Variants in DBF4B observed in about 807,000 individuals in gnomAD.
The protein encoded by DBF4B is DBF4B-CDC7 kinase regulatory subunit, also known as protein DBF4 homolog B.
Under a neutral mutation model 53.4 loss-of-function variants are expected in DBF4B, and 49 were observed. The observed-to-expected ratio is 0.92, with a 90% CI of 0.73 to 1.16. DBF4B has a LOEUF of 1.16. Among genes scored for constraint, DBF4B ranks in the 50% most tolerant of loss-of-function variants. The pLI, the probability that DBF4B is intolerant of heterozygous loss-of-function variation, is 0.00. For missense variants in DBF4B, 692 were observed against 775.0 expected, an observed-to-expected ratio of 0.89 and a Z score of 1.27; for synonymous variants, 257 against 288.7, an observed-to-expected ratio of 0.89 and a Z score of 1.11.
intron 12 of DBF4B, 35 bp from the exon 13 acceptor site, chr17:44,748,306 G>C (rs2145158123): frequency 6.4e-7 from 1 of 1,557,656 alleles, no homozygotes; most frequent in East Asian, 2.2e-5. Flanking sequence ...CTGTGAAGTT[G>C]AAACCTGCAG....
chr17:44,731,494 G>A (rs138946061), intron 5 of DBF4B: 9 of 171,564 alleles, frequency 5.2e-5, no homozygotes, highest in Non-Finnish European at 8.8e-5. Flanking sequence ...TCCCCGCTAC[G>A]CAGGTGGCTG....
intron 9 of DBF4B, among the ~76,000 whole-genome samples, chr17:44,739,803 C>T (rs1975815420): frequency 6.6e-6 from 1 of 152,098 alleles, no homozygotes; most frequent in African/African-American, 2.4e-5. Context: ...CGGAGTCTCA[C>T]TCCATCACCT....
chr17:44,722,831 G>A (rs748057793), intron 2 of DBF4B, 49 bp from the exon 3 acceptor site: 3 of 1,606,904 alleles, frequency 1.9e-6, no homozygotes, highest in Middle Eastern at 1.7e-4. Flanking sequence ...CCTGGCTTCA[G>A]GACTCTCTTT....
chr17:44,731,596 C>G (rs1206113944), intron 5 of DBF4B: 1 of 157,712 alleles, frequency 6.3e-6, no homozygotes, highest in Non-Finnish European at 1.4e-5. Flanking sequence ...GAGCTAGACT[C>G]TGTCTCAAAA....
At chr17:44,732,865 CAA>C (rs750138148) in intron 6 of DBF4B, 13 of 127,892 alleles carry the variant, frequency 1.0e-4, no homozygotes, top group Non-Finnish European at 1.2e-4. Context: ...GACTCCGTCT[CAA>C]AAAAAAAAAA....
At chr17:44,716,076 G>A (rs1420437322) in intron 2 of DBF4B, among the ~76,000 whole-genome samples, 1 of 151,168 alleles carries the variant, frequency 6.6e-6, no homozygotes, top group Non-Finnish European at 1.5e-5. Flanking sequence ...CACCCGCCTC[G>A]GCCTCCCAAA....
chr17:44,709,439 G>A (rs778336573), intron 2 of DBF4B, 73 bp downstream of exon 2: 18 of 1,502,236 alleles, frequency 1.2e-5, no homozygotes, highest in Non-Finnish European at 1.4e-5. Context: ...ACCGAAAAAT[G>A]TTCCCCCTGT....
intron 2 of DBF4B, among the ~76,000 whole-genome samples, chr17:44,716,341 T>C (rs971919240): frequency 6.6e-6 from 1 of 152,076 alleles, no homozygotes; most frequent in African/African-American, 2.4e-5. Flanking sequence ...CAAACCTCTC[T>C]CTGGTAAGTA....
At chr17:44,735,052 A>G (rs770723060) in intron 7 of DBF4B, among the ~76,000 whole-genome samples, 5 of 152,124 alleles carry the variant, frequency 3.3e-5, no homozygotes, top group African/African-American at 4.8e-5. Flanking sequence ...ATGAGTCATG[A>G]TCGCACCACT....
chr17:44,730,659 G>A (rs1384880515), intron 4 of DBF4B, among the ~76,000 whole-genome samples: 3 of 152,170 alleles, frequency 2.0e-5, no homozygotes, highest in Non-Finnish European at 4.4e-5. Context: ...ATCTCCTGGA[G>A]GGTGCAGAGA....
At chr17:44,709,014 G>A in intron 1 of DBF4B, 175 bp downstream of exon 1, 1 of 905,784 alleles carries the variant, frequency 1.1e-6, no homozygotes, top group East Asian at 2.7e-5. Flanking sequence ...GAATGAAGGT[G>A]GCAGAGGAAC....
intron 2 of DBF4B, among the ~76,000 whole-genome samples, chr17:44,716,935 G>A (rs561150385): frequency 1.4e-4 from 22 of 152,040 alleles, no homozygotes; most frequent in Admixed American, 4.6e-4. Context: ...AATTTCCAGC[G>A]TCCAACATTT....
At chr17:44,741,239 C>A in intron 9 of DBF4B, 97 bp from the exon 10 acceptor site, 1 of 863,168 alleles carries the variant, frequency 1.2e-6, no homozygotes, top group Non-Finnish European at 2.0e-6. Context: ...TGAGAGTCCA[C>A]TTTATCAGGG....
chr17:44,748,447 G>A lies in DBF4B; in HGVS notation c.1171G>A (p.Asp391Asn), dbSNP rs2049168437. ...RAASPRIRKE[D>N]SCQASVTQGR... is the part of the protein sequence containing the mutation. ...AGCATCTCCCAGGATAAGGAAAGAA[G>A]ACAGCTGCCAGGCATCAGGTATCCC... Residue 391 changes from aspartate to asparagine, a missense_variant, in exon 13 of 14, where the codon GAC becomes AAC. Asp to Asn is a conservative substitution (Grantham distance 23, BLOSUM62 1). This residue lies in a region of DBF4B where 597 missense variants were observed against 665.8 expected (regional missense o/e 0.90). Coordinates refer to ENST00000315005, the MANE Select transcript of DBF4B (RefSeq NM_145663.3). 1 of 1,613,926 alleles carries A rather than the reference G, an allele frequency of 6.2e-7. No individual in the cohort carries two copies. The highest frequency in any genetic ancestry group is 1.7e-5 in the Admixed American group (1 of 59,998).
chr17:44,726,423 T>C (rs948122493), intron 3 of DBF4B, among the ~76,000 whole-genome samples: 4 of 151,376 alleles, frequency 2.6e-5, no homozygotes, highest in Admixed American at 1.3e-4. Context: ...GCTATGATCA[T>C]GAGTACTTTT....
chr17:44,734,578 A>C (rs955794207), intron 7 of DBF4B, among the ~76,000 whole-genome samples: 1 of 152,244 alleles, frequency 6.6e-6, no homozygotes, highest in Admixed American at 6.5e-5. Context: ...AATAGCTGCC[A>C]TCTTCTAAAT....
In DBF4B at chr17:44,750,812, T is replaced by C. The variant is rs752614247; in HGVS notation, c.1407T>C (p.Pro469=). The change falls in exon 14 of 14, where the codon CCT becomes CCC. Residue 469 remains proline (P), a synonymous_variant. Coordinates refer to ENST00000315005, the MANE Select transcript of DBF4B (RefSeq NM_145663.3). ...SLALLPGEWS[P]AEDMPLHPSQ... ...CTCTGCTGCCTGGGGAGTGGTCGCCTGCAGAGGACATGCCCCTCCATCCCT... is the reference window on the plus strand; with the variant it reads ...CTCTGCTGCCTGGGGAGTGGTCGCCCGCAGAGGACATGCCCCTCCATCCCT... The C allele has an allele frequency of 2.5e-6, 4 of 1,614,208 alleles. No individual in the cohort carries two copies. The East Asian group carries it at 6.7e-5, about 27-fold the overall frequency.
At chr17:44,734,637 A>G (rs768436843) in intron 7 of DBF4B, among the ~76,000 whole-genome samples, 44 of 152,232 alleles carry the variant, frequency 2.9e-4, no homozygotes, top group Non-Finnish European at 5.6e-4. Context: ...TGTGTACTAC[A>G]TCAAGAGAGC....
At chr17:44,746,643 AC>A (rs1976623743) in intron 10 of DBF4B, among the ~76,000 whole-genome samples, 1 of 151,924 alleles carries the variant, frequency 6.6e-6, no homozygotes, top group African/African-American at 2.4e-5. Flanking sequence ...ACATGGTGAA[AC>A]CCCGTCTCTA....
Sources: allele counts gnomAD v4.1 joint callset (sites outside exome capture counted in the v4.1 genomes callset), GRCh38; gene constraint gnomAD v4.1.1; regional missense constraint gnomAD v4.1.1; transcripts MANE v1.5; gene names NCBI Gene and HGNC (gene_info 2026-07-23, HGNC 2026-07-21).